ITFG1: variants seen among roughly 807,000 people sequenced by gnomAD.
The protein encoded by ITFG1 is T-cell immunomodulatory protein.
Under a neutral mutation model 81.8 loss-of-function variants are expected in ITFG1, and 34 were observed. The observed-to-expected ratio is 0.42, with a 90% CI of 0.32 to 0.55. The LOEUF is 0.55. ITFG1 is among the 20% of genes least tolerant of loss of function. The pLI, the probability that ITFG1 is intolerant of heterozygous loss-of-function variation, is 0.17. For synonymous variants in ITFG1, 285 were observed against 270.6 expected (o/e 1.05, Z -0.52); for missense variants, 672 against 755.4 (o/e 0.89, Z 1.29).
chr16:47,346,520 C>G (rs1292694734), intron 8 of ITFG1, among the ~76,000 whole-genome samples: 2 of 152,128 alleles, frequency 1.3e-5, no homozygotes, highest in Admixed American at 1.3e-4. Flanking sequence ...TGAGCAAAAT[C>G]TACAAACTGT....
intron 2 of ITFG1, among the ~76,000 whole-genome samples, chr16:47,455,988 G>A (rs1042187586): frequency 2.0e-4 from 30 of 152,062 alleles, no homozygotes; most frequent in African/African-American, 7.0e-4. Flanking sequence ...TAATGTAAGA[G>A]TATTTCAAAA....
intron 10 of ITFG1, among the ~76,000 whole-genome samples, chr16:47,293,181 A>AAT (rs377028217): frequency 3.6e-4 from 52 of 142,822 alleles, no homozygotes; most frequent in African/African-American, 1.2e-3. Flanking sequence ...ATCATATACA[A>AAT]ATGATATATA....
rs565641750 is a variant in ITFG1 at position 47,283,901 on chromosome 16, A to G, written c.1071-23206T>C. Among the ~76,000 whole-genome samples, 50 of 152,362 alleles carry G rather than the reference A, an allele frequency of 3.3e-4. No homozygotes were observed. In the Middle Eastern group the frequency reaches 0.02, roughly 62 times the overall value. On this transcript the variant is annotated intron_variant, in intron 10 of 17. Coordinates refer to ENST00000320640, the MANE Select transcript of ITFG1 (RefSeq NM_030790.5). ...ATGTGGTATATCCATGCTGTGGAAAATTACTTGGCAATAAAAAGACATGCA... is the reference window on the plus strand; with the variant it reads ...ATGTGGTATATCCATGCTGTGGAAAGTTACTTGGCAATAAAAAGACATGCA...
At chr16:47,458,311 C>T (rs1210530963) in intron 2 of ITFG1, among the ~76,000 whole-genome samples, 1 of 152,170 alleles carries the variant, frequency 6.6e-6, no homozygotes, top group East Asian at 1.9e-4. Flanking sequence ...CTCTTCATAA[C>T]ATGCTGTTCT....
At chr16:47,326,028 G>T (rs190641060) in intron 8 of ITFG1, among the ~76,000 whole-genome samples, 3 of 152,158 alleles carry the variant, frequency 2.0e-5, no homozygotes, top group Non-Finnish European at 4.4e-5. Context: ...CAAAAAAAGA[G>T]AATTTTAGAC....
At chr16:47,170,734 A>G (rs567318967) in intron 14 of ITFG1, among the ~76,000 whole-genome samples, 16 of 74,738 alleles carry the variant, frequency 2.1e-4, no homozygotes, top group African/African-American at 7.8e-4. Flanking sequence ...CATCTAGATT[A>G]TCTTTTTTTT....
chr16:47,390,449 CTTGT>C (rs1446112986), intron 6 of ITFG1, among the ~76,000 whole-genome samples: 7 of 151,954 alleles, frequency 4.6e-5, no homozygotes, highest in African/African-American at 9.7e-5. Context: ...TATAATAATT[CTTGT>C]TTATTATTAT....
chr16:47,181,474 G>A (rs1447637512), intron 14 of ITFG1, among the ~76,000 whole-genome samples: 7 of 131,804 alleles, frequency 5.3e-5, no homozygotes, highest in Admixed American at 3.7e-4. Context: ...CCCCCCGCCC[G>A]GCCAGCCGCC....
At chr16:47,413,855 T>G (rs918078026) in intron 6 of ITFG1, among the ~76,000 whole-genome samples, 1 of 152,178 alleles carries the variant, frequency 6.6e-6, no homozygotes, top group African/African-American at 2.4e-5. Flanking sequence ...ATTCTCGCTC[T>G]TATCCCCCAG....
At chr16:47,253,592 TG>T (rs748350974) in intron 12 of ITFG1, among the ~76,000 whole-genome samples, 67 of 152,204 alleles carry the variant, frequency 4.4e-4, no homozygotes, top group Non-Finnish European at 6.9e-4. Context: ...TTTTCACAGA[TG>T]GGGGTTAGAT....
At chr16:47,422,492 G>C (rs1002883673) in intron 6 of ITFG1, among the ~76,000 whole-genome samples, 4 of 152,176 alleles carry the variant, frequency 2.6e-5, no homozygotes, top group Admixed American at 6.5e-5. Flanking sequence ...GTATCAGGAT[G>C]ATGCTGGCCT....
At chr16:47,415,380 G>GA (rs1344183124) in intron 6 of ITFG1, among the ~76,000 whole-genome samples, 2 of 152,170 alleles carry the variant, frequency 1.3e-5, no homozygotes, top group East Asian at 3.8e-4. Context: ...GATTATCGAA[G>GA]AAAGTGAGAC....
intron 14 of ITFG1, among the ~76,000 whole-genome samples, chr16:47,206,549 C>T (rs1056886231): frequency 1.3e-5 from 2 of 152,202 alleles, no homozygotes; most frequent in African/African-American, 4.8e-5. Flanking sequence ...CTACCAGCCT[C>T]TGGGAACCAG....
intron 6 of ITFG1, among the ~76,000 whole-genome samples, chr16:47,412,477 T>A (rs1225958775): frequency 2.0e-5 from 3 of 150,194 alleles, no homozygotes; most frequent in African/African-American, 7.4e-5. Flanking sequence ...AGGTCAGGAG[T>A]TCAAGACCAG....
At chr16:47,160,690 C>T (rs1461269945) in intron 16 of ITFG1, among the ~76,000 whole-genome samples, 1 of 152,186 alleles carries the variant, frequency 6.6e-6, no homozygotes, top group South Asian at 2.1e-4. Context: ...GGTTCTGAAG[C>T]CCATTAATTT....
chr16:47,326,553 A>G (rs1188042843), intron 8 of ITFG1, among the ~76,000 whole-genome samples: 1 of 152,182 alleles, frequency 6.6e-6, no homozygotes, highest in Non-Finnish European at 1.5e-5. Flanking sequence ...TGCAGATGAC[A>G]TGATTGTATA....
chr16:47,162,346 T>C (rs1964820305), intron 15 of ITFG1, among the ~76,000 whole-genome samples, 194 bp downstream of exon 15: 1 of 152,134 alleles, frequency 6.6e-6, no homozygotes, highest in African/African-American at 2.4e-5. Context: ...CACGGTATCT[T>C]AAAATCATGA....
At chr16:47,260,728 TA>T in intron 10 of ITFG1, 33 bp from the exon 11 acceptor site, 1 of 1,611,062 alleles carries the variant, frequency 6.2e-7, no homozygotes, top group Non-Finnish European at 8.5e-7. Context: ...TTCGTTAATA[TA>T]AACATCAACA....
chr16:47,249,479 C>T (rs1966041300), intron 12 of ITFG1, among the ~76,000 whole-genome samples: 1 of 152,070 alleles, frequency 6.6e-6, no homozygotes, highest in Non-Finnish European at 1.5e-5. Flanking sequence ...GTGTAATACC[C>T]TTTTAAATGA....
Sources: allele counts gnomAD v4.1 joint callset (sites outside exome capture counted in the v4.1 genomes callset), GRCh38; gene constraint gnomAD v4.1.1; transcripts MANE v1.5; gene names NCBI Gene and HGNC (gene_info 2026-07-23, HGNC 2026-07-21).